The following ENOX2 variants were observed in gnomAD, a reference collection of about 807,000 sequenced individuals.
The protein encoded by ENOX2 is APK1 antigen.
ENOX2 carries 36 observed loss-of-function variants against 45.0 expected under a neutral mutation model. The ratio of observed to expected loss-of-function variants is 0.80; its 90% CI spans 0.61 to 1.06. The LOEUF is 1.06. Ranked by LOEUF, ENOX2 falls within the 50% of genes least tolerant of loss-of-function variation. The pLI is 0.00. For synonymous variants in ENOX2, 174 were observed against 152.3 expected, an observed-to-expected ratio of 1.14 and a Z score of -1.05; for missense variants, 423 against 462.5, an observed-to-expected ratio of 0.91 and a Z score of 0.78.
chrX:130,639,635 A>T (rs748902551), intron 10 of ENOX2, among the ~76,000 whole-genome samples: 1 of 111,985 alleles, frequency 8.9e-6, no homozygotes, highest in Non-Finnish European at 1.9e-5. Flanking sequence ...GAATTATCAG[A>T]CTGGGATTTT....
chrX:130,819,201 C>T lies in ENOX2; in HGVS notation c.-182-35511G>A, dbSNP rs138888953. 7.2e-5 allele frequency among the ~76,000 whole-genome samples: 8 copies of T among 111,701 alleles called. No homozygotes were observed. In the East Asian group the frequency reaches 8.4e-4, roughly 12 times the overall value. ...TACCATTTCACACCAGTTAGAATGG[C>T]GATCATTAAAAAGTCAGGAAACGAA... On this transcript the variant is annotated intron_variant, in intron 2 of 14. Coordinates refer to ENST00000394363, the MANE Select transcript of ENOX2 (RefSeq NM_006375.4).
chrX:130,624,544 G>A lies in ENOX2; in HGVS notation c.*770C>T, dbSNP rs41311652. On this transcript the variant is annotated 3_prime_UTR_variant, in exon 15 of 15. Transcript: ENST00000394363. ...ACACATGAGCATATTTTAATTCACA[G>A]AAAACTGAACATGCCCTCCTTTAAA... The A allele has an allele frequency of 0.014, 1,631 of 112,495 alleles. 16 individuals carry two copies. The highest frequency in any genetic ancestry group is 0.021 in the Non-Finnish European group (1,096 of 53,266). The allele number at this position is 112,495 out of a possible 1,213,427, so 9.3% of individuals were successfully genotyped here.
At chrX:130,792,484 A>C (rs1204790870) in intron 2 of ENOX2, among the ~76,000 whole-genome samples, 2 of 112,617 alleles carry the variant, frequency 1.8e-5, no homozygotes, top group Non-Finnish European at 3.8e-5. Flanking sequence ...TCTTTAAATT[A>C]ATTAAAATGG....
intron 3 of ENOX2, among the ~76,000 whole-genome samples, chrX:130,703,724 T>C (rs1055632306): frequency 8.0e-5 from 9 of 111,894 alleles, no homozygotes; most frequent in Admixed American, 3.8e-4. Flanking sequence ...CCTGATGTAA[T>C]TTCATATCTT....
chrX:130,738,361 T>C (rs1463064026), intron 3 of ENOX2, among the ~76,000 whole-genome samples: 1 of 112,387 alleles, frequency 8.9e-6, no homozygotes, highest in African/African-American at 3.2e-5. Flanking sequence ...GAAATCACTA[T>C]AGCTACTTAA....
At chrX:130,877,995 C>CA (rs750870554) in intron 2 of ENOX2, among the ~76,000 whole-genome samples, 1 of 112,395 alleles carries the variant, frequency 8.9e-6, no homozygotes, top group East Asian at 2.8e-4. Flanking sequence ...AAATTGTACT[C>CA]ATTGTCCAGC....
rs1018571775 is a variant in ENOX2, at chrX:130,835,441, G to A, written c.-182-51751C>T. Among the ~76,000 whole-genome samples the A allele has an allele frequency of 4.5e-5, 5 of 110,578 alleles. No homozygotes were observed. In the Admixed American group the frequency reaches 4.8e-4, roughly 11 times the overall value. ...TGTATACATTCACACCAGTATTAAGGGGTAGAATTCAGATCTATGTCTGCT... is the reference window on the plus strand; with the variant it reads ...TGTATACATTCACACCAGTATTAAGAGGTAGAATTCAGATCTATGTCTGCT... On this transcript the variant is annotated intron_variant, in intron 2 of 14. Coordinates refer to ENST00000394363, the MANE Select transcript of ENOX2 (RefSeq NM_006375.4).
intron 4 of ENOX2, among the ~76,000 whole-genome samples, chrX:130,691,808 TTC>T (rs1282180593): frequency 8.9e-6 from 1 of 112,551 alleles, no homozygotes; most frequent in Non-Finnish European, 1.9e-5. Flanking sequence ...ATTAAACAAG[TTC>T]TGCCACTTTG....
At chrX:130,651,120 A>T (rs1036121742) in intron 10 of ENOX2, among the ~76,000 whole-genome samples, 96 of 112,153 alleles carry the variant, frequency 8.6e-4, no homozygotes, top group African/African-American at 2.7e-3. Context: ...GCAGGAAATG[A>T]TATGAATAAG....
At chrX:130,826,396 G>A (rs778194064) in intron 2 of ENOX2, among the ~76,000 whole-genome samples, 6 of 111,746 alleles carry the variant, frequency 5.4e-5, no homozygotes, top group African/African-American at 1.9e-4. Context: ...ATTGTCAAGT[G>A]CATACCAGGA....
At chrX:130,751,550 C>T (rs1569496940) in intron 3 of ENOX2, among the ~76,000 whole-genome samples, 2 of 111,552 alleles carry the variant, frequency 1.8e-5, no homozygotes, top group East Asian at 2.8e-4. Context: ...TGTCTGAGTA[C>T]CTGTTTTCTA....
intron 3 of ENOX2, among the ~76,000 whole-genome samples, chrX:130,748,381 A>G (rs2039142150): frequency 8.9e-6 from 1 of 112,154 alleles, no homozygotes; most frequent in South Asian, 3.7e-4. Context: ...CACAGAGCTT[A>G]GGTCAGTTTG....
chrX:130,692,580 G>GTT (rs1194146290), intron 4 of ENOX2, among the ~76,000 whole-genome samples: 24 of 94,902 alleles, frequency 2.5e-4, no homozygotes, highest in Non-Finnish European at 4.3e-4. Flanking sequence ...ATCTCTCTCT[G>GTT]TTTTTTTTTT....
At chrX:130,823,558 G>T (rs1341335157) in intron 2 of ENOX2, among the ~76,000 whole-genome samples, 2 of 111,811 alleles carry the variant, frequency 1.8e-5, no homozygotes, top group African/African-American at 6.5e-5. Context: ...TGCTGCTGAT[G>T]TATGCATTTG....
intron 9 of ENOX2, among the ~76,000 whole-genome samples, chrX:130,663,041 C>T (rs1331447405): frequency 8.9e-6 from 1 of 111,953 alleles, no homozygotes; most frequent in African/African-American, 3.2e-5. Context: ...CTCTATAGGT[C>T]CTAAGGAGTG....
intron 4 of ENOX2, among the ~76,000 whole-genome samples, chrX:130,697,725 G>A (rs1415542815): frequency 8.9e-6 from 1 of 112,029 alleles, no homozygotes; most frequent in African/African-American, 3.2e-5. Context: ...GAATGAATAA[G>A]CAAATAGTTT....
intron 2 of ENOX2, among the ~76,000 whole-genome samples, chrX:130,874,067 G>A (rs2078651177): frequency 1.8e-5 from 2 of 111,451 alleles, no homozygotes; most frequent in African/African-American, 6.5e-5. Context: ...GAAGAAAAGC[G>A]AGGAGAAATT....
At chrX:130,649,489 T>C (rs145685754) in intron 10 of ENOX2, among the ~76,000 whole-genome samples, 102 of 111,442 alleles carry the variant, frequency 9.2e-4, no homozygotes, top group African/African-American at 3.3e-3. Context: ...AAGCAGAAAG[T>C]GGCAACGTAA....
At chrX:130,850,447 T>G (rs4830203) in intron 2 of ENOX2, among the ~76,000 whole-genome samples, 1 of 111,994 alleles carries the variant, frequency 8.9e-6, no homozygotes, top group African/African-American at 3.2e-5. Context: ...ACTTTCCATA[T>G]TTTATAGAAT....
Sources: allele counts gnomAD v4.1 joint callset (sites outside exome capture counted in the v4.1 genomes callset), GRCh38; gene constraint gnomAD v4.1.1; transcripts MANE v1.5; gene names NCBI Gene and HGNC (gene_info 2026-07-23, HGNC 2026-07-21).